The following MOGAT2 variants were observed in gnomAD, a reference collection of about 807,000 sequenced individuals.
MOGAT2 encodes 2-acylglycerol O-acyltransferase 2.
Under a neutral mutation model 31.5 loss-of-function variants are expected in MOGAT2, and 27 were observed. The ratio of observed to expected loss-of-function variants is 0.86; its 90% confidence interval spans 0.63 to 1.18. The LOEUF is 1.18. Among genes scored for constraint, MOGAT2 ranks in the 50% most tolerant of loss-of-function variants. The pLI, the probability that MOGAT2 is intolerant of heterozygous loss-of-function variation, is 0.00. For synonymous variants in MOGAT2, 163 were observed against 170.0 expected (o/e 0.96, Z 0.32); for missense variants, 436 against 433.2 (o/e 1.01, Z -0.06).
chr11:75,725,038 T>G (rs1032507265), intron 2 of MOGAT2, among the ~76,000 whole-genome samples: 4 of 152,310 alleles, frequency 2.6e-5, no homozygotes, highest in Non-Finnish European at 5.9e-5. Context: ...GATGCTTCTG[T>G]GAATAACCTT....
intron 2 of MOGAT2, among the ~76,000 whole-genome samples, chr11:75,725,417 A>C (rs972993814): frequency 6.6e-6 from 1 of 152,122 alleles, no homozygotes; most frequent in Non-Finnish European, 1.5e-5. Context: ...GTGTGATGGC[A>C]TGTGCCTGTA....
rs201866531 is a variant in MOGAT2, at chr11:75,731,297, C to A, written c.*11C>A. ...TTGGAGTTCTGCTGAGCCCAAAGGG[C>A]AGGGCCAACATTAGGGAGCCCAGCA... On this transcript the variant is annotated 3_prime_UTR_variant, in exon 6 of 6. Transcript: ENST00000198801. The A allele has an allele frequency of 3.7e-6, 6 of 1,612,922 alleles. No individual in the cohort carries two copies. Among genetic ancestry groups the A allele is most frequent in the African/African-American group, 2.7e-5 (2 of 74,932 alleles).
intron 2 of MOGAT2, among the ~76,000 whole-genome samples, chr11:75,724,483 A>C (rs1244868495): frequency 6.6e-6 from 1 of 152,126 alleles, no homozygotes; most frequent in Non-Finnish European, 1.5e-5. Context: ...TCACTGAGCC[A>C]GTATTAGCAC....
intron 2 of MOGAT2, among the ~76,000 whole-genome samples, chr11:75,722,421 C>T (rs977511524): frequency 3.3e-5 from 5 of 152,168 alleles, no homozygotes; most frequent in South Asian, 4.1e-4. Flanking sequence ...CTCTGGCCTC[C>T]GGGAGAGCTT....
In MOGAT2 at chr11:75,720,075, C is replaced by T; in HGVS notation, c.175C>T (p.Leu59=). The T allele has an allele frequency of 6.2e-7, 1 of 1,614,204 alleles. No homozygotes were observed. The part of the protein sequence containing the change: ...LTVLYAAWWY[L]DRDKPRQGGR... The stretch of plus-strand genomic sequence containing the variant: ...TGTCCTGTATGCGGCCTGGTGGTAT[C>T]TGGACCGAGACAAGCCACGGCAGGG... The change falls in exon 2 of 6, where the codon CTG becomes TTG. Residue 59 remains leucine (L), a synonymous_variant. Coordinates refer to ENST00000198801, the MANE Select transcript of MOGAT2 (RefSeq NM_025098.4).
At chr11:75,729,239 G>T (rs142518626) in intron 5 of MOGAT2, among the ~76,000 whole-genome samples, 2 of 152,228 alleles carry the variant, frequency 1.3e-5, no homozygotes, top group African/African-American at 4.8e-5. Flanking sequence ...TACACTAGCT[G>T]CCCTACATGA....
intron 1 of MOGAT2, among the ~76,000 whole-genome samples, chr11:75,718,816 T>C (rs1352961942): frequency 6.6e-6 from 1 of 151,942 alleles, no homozygotes; most frequent in Non-Finnish European, 1.5e-5. Context: ...TGACTAGGAG[T>C]CCGTGGGGTT....
In MOGAT2 at chr11:75,728,754, C is replaced by A. The variant is rs78850126; in HGVS notation, c.651-36C>A. The A allele has an allele frequency of 2.5e-3, 3,980 of 1,581,416 alleles. 86 individuals are homozygous for A. The African/African-American group carries it at 0.048, about 19-fold the overall frequency. Reference sequence around the variant, plus strand: ...CTTTCAGCTCGTGCCTTCTCTGGGGCCTCCCACATGCCCTCTTTCCTCTAT... The same window carrying A: ...CTTTCAGCTCGTGCCTTCTCTGGGGACTCCCACATGCCCTCTTTCCTCTAT... On this transcript the variant is annotated intron_variant, in intron 4 of 5. Coordinates refer to ENST00000198801, the MANE Select transcript of MOGAT2 (RefSeq NM_025098.4).
Position 75,728,112 on chromosome 11 carries a change from A to G in MOGAT2, c.618A>G (p.Arg206=). The G allele has an allele frequency of 7.4e-6, 12 of 1,614,034 alleles. No homozygotes were observed. Among genetic ancestry groups the G allele is most frequent in the Non-Finnish European group, 9.3e-6 (11 of 1,179,978 alleles). The part of the protein sequence containing the change: ...PGSFTLLLRN[R]KGFVRLALTH... Reference sequence around the variant, plus strand: ...CCTTCACGCTGTTACTGCGGAACCGAAAGGGCTTCGTCAGGCTCGCCCTGA... The same window carrying G: ...CCTTCACGCTGTTACTGCGGAACCGGAAGGGCTTCGTCAGGCTCGCCCTGA... The change falls in exon 4 of 6, where the codon CGA becomes CGG. Residue 206 remains arginine (R), a synonymous_variant. Transcript: ENST00000198801.
rs1418285728 is a variant in MOGAT2, at chr11:75,720,165, A to G, written c.265A>G (p.Ile89Val). Residue 89 changes from isoleucine (I) to valine (V), a missense_variant, in exon 2 of 6, where the codon ATC becomes GTC. Ile to Val is a conservative substitution (Grantham distance 29, BLOSUM62 3). Transcript: ENST00000198801. ...GAAGTACATGAAGGACTATTTCCCC[A>G]TCTCGGTGAGTATTGAGGCTGGTTG... ...IWKYMKDYFP[I>V]SLVKTAELDP... The G allele has an allele frequency of 3.1e-6, 5 of 1,602,668 alleles. No homozygotes were observed. Among genetic ancestry groups the G allele is most frequent in the African/African-American group, 1.3e-5 (1 of 74,202 alleles).
At chr11:75,723,451 C>G (rs12290190) in intron 2 of MOGAT2, among the ~76,000 whole-genome samples, 3,371 of 151,976 alleles carry the variant, frequency 0.022, 141 homozygotes, top group African/African-American at 0.077. Context: ...CCCTCCCACC[C>G]TCCCACACGC....
chr11:75,722,019 C>A (rs1222737477), intron 2 of MOGAT2, among the ~76,000 whole-genome samples: 1 of 152,204 alleles, frequency 6.6e-6, no homozygotes, highest in Non-Finnish European at 1.5e-5. Context: ...AGACAGCGGG[C>A]AGCGGCTGGC....
intron 2 of MOGAT2, among the ~76,000 whole-genome samples, chr11:75,726,969 C>T (rs922642016): frequency 2.0e-5 from 3 of 152,076 alleles, no homozygotes; most frequent in African/African-American, 7.2e-5. Flanking sequence ...GGATTACAGG[C>T]GTGAGCCACC....
chr11:75,718,544 C>G (rs928888977), intron 1 of MOGAT2, among the ~76,000 whole-genome samples: 1 of 152,120 alleles, frequency 6.6e-6, no homozygotes, highest in Admixed American at 6.5e-5. Flanking sequence ...CTCCAAGCCT[C>G]GACTTCACCA....
chr11:75,728,852 C>G lies in MOGAT2; in HGVS notation c.713C>G (p.Ser238Cys). The G allele has an allele frequency of 6.2e-7, 1 of 1,614,258 alleles. No individual in the cohort carries two copies. The highest frequency in any genetic ancestry group is 8.5e-7 in the Non-Finnish European group (1 of 1,180,050). Residue 238 changes from serine (S) to cysteine (C), a missense_variant, in exon 5 of 6, where the codon TCT becomes TGT. Coordinates refer to ENST00000198801, the MANE Select transcript of MOGAT2 (RefSeq NM_025098.4). ...ENDLFDQIPN[S>C]SGSWLRYIQN... is the part of the protein sequence containing the mutation. ...GACCTATTTGACCAGATTCCCAACT[C>G]TTCTGGCTCCTGGTTACGCTATATC...
chr11:75,721,823 A>T (rs1320439430), intron 2 of MOGAT2, among the ~76,000 whole-genome samples: 4 of 152,150 alleles, frequency 2.6e-5, no homozygotes, highest in Admixed American at 6.5e-5. Flanking sequence ...AAACAAACCC[A>T]CCAAAGTTAA....
Position 75,728,136 on chromosome 11 carries a change from G to A in MOGAT2, c.642G>A (p.Leu214=). 1.2e-6 allele frequency: 2 copies of A among 1,613,002 alleles called. No homozygotes were observed. Among genetic ancestry groups the A allele is most frequent in the Non-Finnish European group, 1.7e-6 (2 of 1,179,516 alleles). ...RNRKGFVRLA[L]THGAPLVPIF... is the part of the protein sequence containing the mutation. ...GAAAGGGCTTCGTCAGGCTCGCCCT[G>A]ACACACGGGTATCAAGCCTCTGGGA... The change falls in exon 4 of 6, where the codon CTG becomes CTA. Residue 214 remains leucine (L), a synonymous_variant. Transcript: ENST00000198801.
chr11:75,728,662 T>C (rs1008688009), intron 4 of MOGAT2, 128 bp from the exon 5 acceptor site: 2 of 774,348 alleles, frequency 2.6e-6, no homozygotes, highest in Non-Finnish European at 4.3e-6. Context: ...GGCCTCCACC[T>C]CCAGCCCAGG....
At position 75,727,596 on chromosome 11, in the gene MOGAT2, G is replaced by A. The variant is rs1188031052; in HGVS notation, c.432G>A (p.Leu144=). The change falls in exon 3 of 6, where the codon TTG becomes TTA. Residue 144 remains leucine, a synonymous_variant. Transcript: ENST00000198801. ...GCCCCCATCTGATGATGCTGACCTTGTGGTTCCGGGCCCCCTTCTTCAGAG... is the reference window on the plus strand; with the variant it reads ...GCCCCCATCTGATGATGCTGACCTTATGGTTCCGGGCCCCCTTCTTCAGAG... ...GIRPHLMMLT[L]WFRAPFFRDY... 2 of 1,614,192 alleles carry A rather than the reference G, an allele frequency of 1.2e-6. No homozygotes were observed. The highest frequency in any genetic ancestry group is 1.7e-5 in the Admixed American group (1 of 60,026).
Sources: allele counts gnomAD v4.1 joint callset (sites outside exome capture counted in the v4.1 genomes callset), GRCh38; gene constraint gnomAD v4.1.1; transcripts MANE v1.5; gene names NCBI Gene and HGNC (gene_info 2026-07-23, HGNC 2026-07-21).